The following EPHA5 variants were observed in gnomAD, a reference collection of about 807,000 sequenced individuals.
The protein encoded by EPHA5 is EPH receptor A5, also known as ephrin type-A receptor 5.
In EPHA5, 60 loss-of-function variants were observed where a neutral mutation model predicts 105.0. The observed-to-expected ratio is 0.57, with a 90% confidence interval of 0.46 to 0.71. The LOEUF (loss-of-function observed/expected upper bound fraction) is 0.71, where lower values mean the gene tolerates loss of function less well. EPHA5 is among the 30% of genes least tolerant of loss of function. The probability of loss-of-function intolerance (pLI) is 0.00; values close to 1 mark genes in which losing one functional copy is unlikely to be tolerated. For synonymous variants in EPHA5, 513 were observed against 449.1 expected, an observed-to-expected ratio of 1.14 and a Z score of -1.80; for missense variants, 1,218 against 1,274.7, an observed-to-expected ratio of 0.96 and a Z score of 0.68.
chr4:65,554,246 A>AAT (rs1391843361), intron 3 of EPHA5, among the ~76,000 whole-genome samples: 1 of 148,698 alleles, frequency 6.7e-6, no homozygotes, highest in Non-Finnish European at 1.5e-5. Context: ...ATATACTTAT[A>AAT]ATATATATAA....
intron 3 of EPHA5, among the ~76,000 whole-genome samples, chr4:65,502,338 T>C (rs959627561): frequency 6.0e-5 from 9 of 150,846 alleles, no homozygotes; most frequent in African/African-American, 2.2e-4. Context: ...TGAAAAAAAA[T>C]TGCAAACTAT....
chr4:65,507,438 A>G (rs909725456), intron 3 of EPHA5, among the ~76,000 whole-genome samples: 4 of 152,114 alleles, frequency 2.6e-5, no homozygotes, highest in Non-Finnish European at 5.9e-5. Context: ...ATGGCATTGA[A>G]TCTATAAATT....
intron 8 of EPHA5, among the ~76,000 whole-genome samples, chr4:65,373,975 T>C (rs1195587461): frequency 1.3e-5 from 2 of 152,114 alleles, no homozygotes. Flanking sequence ...TATTATGCTA[T>C]AAATATACAT....
rs1409744623 is a variant in EPHA5, at chr4:65,602,293, A to C, written c.258T>G (p.Ile86Met). The C allele has an allele frequency of 6.3e-7, 1 of 1,597,760 alleles. No homozygotes were observed. The change falls in exon 3 of 17, where the codon ATT (isoleucine) becomes ATG (methionine). Residue 86 changes from isoleucine to methionine, a missense_variant. Transcript: ENST00000613740. ...IAFPKNGWEE[I>M]GEVDENYAPI... ...GGGCATAATTTTCATCCACTTCACC[A>C]ATCTCTTCCCACTGTACAATATAAA...
chr4:65,501,677 C>T (rs537523907), intron 3 of EPHA5, among the ~76,000 whole-genome samples: 28 of 151,786 alleles, frequency 1.8e-4, no homozygotes, highest in East Asian at 5.8e-4. Context: ...TGCCATACTA[C>T]GCAAACCAAT....
At chr4:65,412,957 A>T (rs1723051510) in intron 7 of EPHA5, among the ~76,000 whole-genome samples, 1 of 152,172 alleles carries the variant, frequency 6.6e-6, no homozygotes. Flanking sequence ...TTGAGATTTC[A>T]TTTACGGCTT....
At chr4:65,453,973 TG>T (rs35054614) in intron 5 of EPHA5, among the ~76,000 whole-genome samples, 90,965 of 151,876 alleles carry the variant, frequency 0.6, 27,521 homozygotes, top group East Asian at 0.67. Context: ...CCTACGGATT[TG>T]CTGCCACTAA....
intron 16 of EPHA5, among the ~76,000 whole-genome samples, chr4:65,328,147 T>C (rs1720257938): frequency 6.6e-6 from 1 of 151,130 alleles, no homozygotes. Flanking sequence ...CGAAGGTCAA[T>C]TCTAGTGATA....
chr4:65,641,255 G>T (rs1405210776), intron 2 of EPHA5, among the ~76,000 whole-genome samples: 1 of 152,070 alleles, frequency 6.6e-6, no homozygotes, highest in Non-Finnish European at 1.5e-5. Flanking sequence ...AAAGGACACG[G>T]AGCAAGTAAA....
chr4:65,493,076 C>T (rs996046869), intron 4 of EPHA5, among the ~76,000 whole-genome samples: 7 of 151,572 alleles, frequency 4.6e-5, no homozygotes, highest in African/African-American at 1.7e-4. Context: ...CAGCTGAATC[C>T]TCCTTTTCTT....
intron 5 of EPHA5, among the ~76,000 whole-genome samples, chr4:65,469,697 G>A (rs1449993211): frequency 6.6e-6 from 1 of 152,096 alleles, no homozygotes; most frequent in Non-Finnish European, 1.5e-5. Flanking sequence ...AGATATTTCT[G>A]TAATAAATGT....
In EPHA5 at chr4:65,516,383, C is replaced by T. The variant is rs571350761; in HGVS notation, c.911-20840G>A. On this transcript the variant is annotated intron_variant, in intron 3 of 16. Coordinates refer to ENST00000613740, the MANE Select transcript of EPHA5 (RefSeq NM_001281766.3). Reference sequence around the variant, plus strand: ...AGTGGATAATCAGAGAAATCTTCATCGTTGCTCTCCTGATGTTGAGTAGGC... The same window carrying T: ...AGTGGATAATCAGAGAAATCTTCATTGTTGCTCTCCTGATGTTGAGTAGGC... 8.6e-5 allele frequency among the ~76,000 whole-genome samples: 13 copies of T among 151,852 alleles called. No homozygotes were observed. In the East Asian group the frequency reaches 1.9e-3, roughly 23 times the overall value.
At chr4:65,447,938 A>G (rs1726709233) in intron 5 of EPHA5, among the ~76,000 whole-genome samples, 1 of 152,170 alleles carries the variant, frequency 6.6e-6, no homozygotes, top group Non-Finnish European at 1.5e-5. Context: ...AGAAAGAACA[A>G]GAACATAAGA....
intron 4 of EPHA5, 21 bp downstream of exon 4, chr4:65,495,367 A>G: frequency 1.2e-6 from 2 of 1,606,440 alleles, no homozygotes; most frequent in South Asian, 1.1e-5. Context: ...AGCACCACCA[A>G]ATATCCGTGG....
chr4:65,546,813 T>A (rs1737418705), intron 3 of EPHA5, among the ~76,000 whole-genome samples: 1 of 151,636 alleles, frequency 6.6e-6, no homozygotes, highest in African/African-American at 2.4e-5. Context: ...ACCATTGAGT[T>A]CTCATTAATC....
chr4:65,445,616 C>A (rs935895577), intron 5 of EPHA5, among the ~76,000 whole-genome samples: 4 of 152,084 alleles, frequency 2.6e-5, no homozygotes, highest in African/African-American at 9.7e-5. Flanking sequence ...TGAAAGAAAT[C>A]GGTTGCTATC....
intron 3 of EPHA5, among the ~76,000 whole-genome samples, chr4:65,569,329 C>T (rs1453065051): frequency 6.6e-6 from 1 of 151,310 alleles, no homozygotes; most frequent in African/African-American, 2.4e-5. Flanking sequence ...CAATTATTTC[C>T]TAAGTGTTCT....
intron 7 of EPHA5, 32 bp from the exon 8 acceptor site, chr4:65,404,511 G>T (rs1280393952): frequency 1.3e-6 from 2 of 1,593,510 alleles, no homozygotes; most frequent in Non-Finnish European, 1.7e-6. Flanking sequence ...GGAGCTTGTG[G>T]TTAAAGTGAT....
chr4:65,596,438 C>A (rs150416181), intron 3 of EPHA5, among the ~76,000 whole-genome samples: 24 of 152,040 alleles, frequency 1.6e-4, no homozygotes, highest in African/African-American at 5.8e-4. Context: ...ATCAAAACTC[C>A]AGTGCTGAAA....
Sources: gnomAD v4.1 joint callset for allele counts (sites outside exome capture counted in the v4.1 genomes callset) on GRCh38, gnomAD v4.1.1 for gene constraint, MANE v1.5 for transcripts, NCBI Gene and HGNC (gene_info 2026-07-23, HGNC 2026-07-21) for gene names.